Variants in THSD7B observed in about 807,000 individuals in gnomAD.
The protein encoded by THSD7B is thrombospondin type-1 domain-containing protein 7B.
A neutral mutation model predicts 213.6 loss-of-function variants in THSD7B; 138 were observed. That is an observed-to-expected ratio of 0.65 (90% confidence interval 0.56 to 0.74). THSD7B has a LOEUF of 0.74. THSD7B is among the 30% of genes least tolerant of loss of function. THSD7B has a pLI of 0.00. For missense variants in THSD7B, 1,931 were observed against 1,991.5 expected, an observed-to-expected ratio of 0.97 and a Z score of 0.58; for synonymous variants, 742 against 687.0, an observed-to-expected ratio of 1.08 and a Z score of -1.25.
chr2:137,006,687 A>G (rs1686120588), intron 2 of THSD7B, among the ~76,000 whole-genome samples: 1 of 152,160 alleles, frequency 6.6e-6, no homozygotes, highest in Non-Finnish European at 1.5e-5. Flanking sequence ...GCCCAAGTTA[A>G]CGCTGCAACA....
In THSD7B at chr2:137,450,980, A is replaced by G. The variant is rs769221184; in HGVS notation, c.3095A>G (p.Tyr1032Cys). Residue 1032 changes from tyrosine (Y) to cysteine (C), a missense_variant, in exon 15 of 28, where the codon TAC becomes TGC. Coordinates refer to ENST00000409968, the MANE Select transcript of THSD7B (RefSeq NM_001316349.2). ...TCCAAATGGCTAAAAGAAAAACCTT[A>G]CAATGGAGGACGACCATGTCCCAAA... ...IRSKWLKEKP[Y>C]NGGRPCPKLD... 4.3e-6 allele frequency: 7 copies of G among 1,609,902 alleles called. No individual in the cohort carries two copies. The South Asian group carries it at 5.5e-5, about 13-fold the overall frequency.
chr2:137,131,304 G>T (rs1688727466), intron 5 of THSD7B, among the ~76,000 whole-genome samples: 1 of 151,704 alleles, frequency 6.6e-6, no homozygotes, highest in African/African-American at 2.4e-5. Context: ...AGTAGGTTGT[G>T]AAAATTTTCT....
intron 7 of THSD7B, among the ~76,000 whole-genome samples, chr2:137,204,907 G>A (rs2105027717): frequency 6.6e-6 from 1 of 152,130 alleles, no homozygotes; most frequent in South Asian, 2.1e-4. Flanking sequence ...ACAAAATTTG[G>A]AGTCAATGAG....
chr2:136,767,456 A>AGTGTGTCTGTGTGTGT (rs1681422310), intron 1 of THSD7B, among the ~76,000 whole-genome samples: 1 of 146,594 alleles, frequency 6.8e-6, no homozygotes, highest in Non-Finnish European at 1.5e-5. Flanking sequence ...ATCCCTGGGA[A>AGTGTGTCTGTGTGTGT]GTGTGTGTGT....
intron 7 of THSD7B, among the ~76,000 whole-genome samples, chr2:137,193,507 G>A (rs1680700764): frequency 1.3e-5 from 2 of 152,080 alleles, no homozygotes; most frequent in South Asian, 4.2e-4. Flanking sequence ...ACACGTAAGA[G>A]AACTGTGAAG....
intron 1 of THSD7B, among the ~76,000 whole-genome samples, chr2:136,802,637 G>GTTTATA (rs1682205095): frequency 2.6e-5 from 1 of 39,024 alleles, no homozygotes. Flanking sequence ...TATGAATTAA[G>GTTTATA]TTTATATATA....
chr2:137,171,466 A>G (rs1053646795), intron 7 of THSD7B, among the ~76,000 whole-genome samples: 1 of 152,206 alleles, frequency 6.6e-6, no homozygotes, highest in Non-Finnish European at 1.5e-5. Flanking sequence ...AGTTGTCAAG[A>G]TTTACAAAAC....
chr2:137,499,074 A>G (rs190199764), intron 15 of THSD7B, among the ~76,000 whole-genome samples: 5 of 152,282 alleles, frequency 3.3e-5, no homozygotes, highest in Admixed American at 3.3e-4. Flanking sequence ...CCCTGTTCAG[A>G]ACCACCGGAA....
intron 12 of THSD7B, among the ~76,000 whole-genome samples, chr2:137,282,178 G>A (rs1205889456): frequency 6.6e-6 from 1 of 151,944 alleles, no homozygotes; most frequent in Admixed American, 6.6e-5. Context: ...TTTTTCATGT[G>A]TTTTTTGGCT....
chr2:136,955,755 GT>G (rs1685113466), intron 2 of THSD7B, among the ~76,000 whole-genome samples: 1 of 152,050 alleles, frequency 6.6e-6, no homozygotes, highest in African/African-American at 2.4e-5. Flanking sequence ...GAAACTATAT[GT>G]TTTCTCCTGC....
At chr2:137,401,282 T>G (rs1419822545) in intron 12 of THSD7B, among the ~76,000 whole-genome samples, 1 of 152,182 alleles carries the variant, frequency 6.6e-6, no homozygotes, top group Non-Finnish European at 1.5e-5. Context: ...TTATCCCCAT[T>G]TATGCTTAAT....
chr2:136,935,599 C>T (rs1381495613), intron 2 of THSD7B, among the ~76,000 whole-genome samples: 1 of 151,886 alleles, frequency 6.6e-6, no homozygotes, highest in Non-Finnish European at 1.5e-5. Context: ...GAAAAAAATC[C>T]ATGGATTAAA....
intron 7 of THSD7B, 117 bp from the exon 8 acceptor site, chr2:137,230,927 G>T (rs1655241537): frequency 3.0e-6 from 3 of 1,013,348 alleles, no homozygotes; most frequent in Admixed American, 2.8e-5. Context: ...TGTAAATATT[G>T]TGAATGGCTG....
intron 3 of THSD7B, among the ~76,000 whole-genome samples, chr2:137,064,335 C>T (rs1470164064): frequency 1.3e-5 from 2 of 151,912 alleles, no homozygotes; most frequent in African/African-American, 4.8e-5. Flanking sequence ...AGACCTTTTG[C>T]TCATTTTTAA....
At chr2:137,545,739 C>T (rs1048500906) in intron 15 of THSD7B, among the ~76,000 whole-genome samples, 9 of 151,862 alleles carry the variant, frequency 5.9e-5, no homozygotes, top group Non-Finnish European at 1.3e-4. Flanking sequence ...AGTCAACATA[C>T]ATTTATTATG....
rs554142643 is a variant in THSD7B at position 137,676,585 on chromosome 2, G to A, written c.4801G>A (p.Asp1601Asn). 3.8e-6 allele frequency: 6 copies of A among 1,590,310 alleles called. No homozygotes were observed. The highest frequency in any genetic ancestry group is 1.2e-5 in the South Asian group (1 of 86,614). ...ACAGAAGCCTCTGACCTTAGCCTAC[G>A]ATGGAGACTTAGACATGTAATCTGA... ...PQQKPLTLAY[D>N]GDLDM Residue 1601 changes from aspartate to asparagine, a missense_variant, in exon 28 of 28, where the codon GAT becomes AAT. By Grantham distance (23) the Asp-to-Asn change is conservative (BLOSUM62 1). Transcript: ENST00000409968.
At chr2:136,799,850 T>C (rs1682144192) in intron 1 of THSD7B, among the ~76,000 whole-genome samples, 2 of 151,922 alleles carry the variant, frequency 1.3e-5, no homozygotes, top group African/African-American at 4.8e-5. Flanking sequence ...TTCAAGGGCA[T>C]CTCCATTGTT....
chr2:137,558,525 A>AG (rs1681035496), intron 15 of THSD7B, among the ~76,000 whole-genome samples: 1 of 152,230 alleles, frequency 6.6e-6, no homozygotes, highest in African/African-American at 2.4e-5. Context: ...CCTTCATTCT[A>AG]AAAACTCTCA....
intron 2 of THSD7B, among the ~76,000 whole-genome samples, chr2:136,932,700 G>C (rs1482564709): frequency 6.6e-6 from 1 of 152,086 alleles, no homozygotes; most frequent in Admixed American, 6.6e-5. Context: ...ATGTTAAGTA[G>C]GCTGAGGAGG....
Sources: gnomAD v4.1 joint callset for allele counts (sites outside exome capture counted in the v4.1 genomes callset) on GRCh38, gnomAD v4.1.1 for gene constraint, MANE v1.5 for transcripts, NCBI Gene and HGNC (gene_info 2026-07-23, HGNC 2026-07-21) for gene names.